The following GAS2 variants were observed in gnomAD, a reference collection of about 807,000 sequenced individuals.
GAS2 encodes the protein growth arrest specific 2.
A neutral mutation model predicts 37.5 loss-of-function variants in GAS2; 20 were observed. That is an observed-to-expected ratio of 0.53 (90% CI 0.37 to 0.77). The LOEUF (loss-of-function observed/expected upper bound fraction) is 0.77. GAS2 is among the 30% of genes least tolerant of loss of function. The pLI is 0.00. For synonymous variants in GAS2, 144 were observed against 132.2 expected, an observed-to-expected ratio of 1.09 and a Z score of -0.61; for missense variants, 336 against 373.4, an observed-to-expected ratio of 0.90 and a Z score of 0.82.
chr11:22,725,383 T>G (rs1852151670), intron 3 of GAS2, among the ~76,000 whole-genome samples: 1 of 152,108 alleles, frequency 6.6e-6, no homozygotes, highest in African/African-American at 2.4e-5. Flanking sequence ...TTATATGCTA[T>G]CGCTATATCC....
At chr11:22,636,813 A>G (rs1331550552) in intron 1 of GAS2, among the ~76,000 whole-genome samples, 1 of 149,998 alleles carries the variant, frequency 6.7e-6, no homozygotes, top group Non-Finnish European at 1.5e-5. Context: ...TCCTCTTTAT[A>G]TAAAGATATA....
In GAS2 at chr11:22,812,530, T is replaced by C. The variant is rs1857233915; in HGVS notation, c.*514T>C. On this transcript the variant is annotated 3_prime_UTR_variant, in exon 8 of 8. Transcript: ENST00000454584. ...AAGTACAGAGTATTCACAATAGTAA[T>C]ATGTTACTGGAAAGGCCACTTCCGA... is the stretch of plus-strand genomic sequence containing the variant. The C allele has an allele frequency of 6.6e-6, 1 of 151,080 alleles. No homozygotes were observed. The highest frequency in any genetic ancestry group is 2.4e-5 in the African/African-American group (1 of 40,838). 9.4% of individuals were successfully genotyped at this position (151,080 alleles called of 1,614,324 possible).
At chr11:22,736,080 T>C (rs1852740510) in intron 4 of GAS2, among the ~76,000 whole-genome samples, 1 of 151,952 alleles carries the variant, frequency 6.6e-6, no homozygotes, top group South Asian at 2.1e-4. Flanking sequence ...TGTTTATTTC[T>C]GTTTCGTAAT....
chr11:22,775,740 C>G (rs1000490777), intron 7 of GAS2, among the ~76,000 whole-genome samples: 7 of 152,072 alleles, frequency 4.6e-5, no homozygotes, highest in Admixed American at 2.6e-4. Flanking sequence ...AAAGCACAGA[C>G]TAGTGCTCCT....
intron 7 of GAS2, among the ~76,000 whole-genome samples, chr11:22,774,814 A>C (rs1210612545): frequency 6.6e-6 from 1 of 152,142 alleles, no homozygotes; most frequent in Non-Finnish European, 1.5e-5. Flanking sequence ...GAGTCAAGAA[A>C]GGGTATCTGC....
At chr11:22,762,725 TATG>T (rs1211451752) in intron 7 of GAS2, among the ~76,000 whole-genome samples, 1 of 152,182 alleles carries the variant, frequency 6.6e-6, no homozygotes, top group Admixed American at 6.5e-5. Context: ...GGATAAAAAG[TATG>T]ATAATATTTT....
At position 22,811,786 on chromosome 11, in the gene GAS2, T is replaced by C. The variant is rs754653009; in HGVS notation, c.724-12T>C. ...CTCGGAATTTAACACTTTTGATATT[T>C]TTTCATTTCAGATGCTGCACAACAA... On this transcript the variant is annotated splice_polypyrimidine_tract_variant and intron_variant, in intron 7 of 7. Transcript: ENST00000454584. The C allele has an allele frequency of 4.3e-6, 7 of 1,612,966 alleles. No individual in the cohort carries two copies. In the South Asian group the frequency reaches 7.7e-5, roughly 18 times the overall value.
intron 6 of GAS2, among the ~76,000 whole-genome samples, chr11:22,751,344 A>G (rs939282854): frequency 6.6e-6 from 1 of 151,982 alleles, no homozygotes; most frequent in African/African-American, 2.4e-5. Context: ...TTTTTCTGGT[A>G]TCTCTCATCC....
chr11:22,634,205 C>G (rs748502286), intron 1 of GAS2, among the ~76,000 whole-genome samples: 6 of 152,108 alleles, frequency 3.9e-5, no homozygotes, highest in Admixed American at 6.5e-5. Flanking sequence ...AAAGGGGTTT[C>G]CGCTTATAAA....
chr11:22,805,110 C>A (rs775408094), intron 7 of GAS2, among the ~76,000 whole-genome samples: 1 of 150,978 alleles, frequency 6.6e-6, no homozygotes, highest in African/African-American at 2.4e-5. Context: ...TTTTTTAGAT[C>A]GGTCACATAC....
At chr11:22,637,769 A>G (rs1006048850) in intron 1 of GAS2, among the ~76,000 whole-genome samples, 1 of 145,242 alleles carries the variant, frequency 6.9e-6, no homozygotes, top group Non-Finnish European at 1.5e-5. Context: ...ATTTATATTT[A>G]TATATTATTC....
At chr11:22,697,341 C>T (rs895031303) in intron 3 of GAS2, among the ~76,000 whole-genome samples, 62 of 152,256 alleles carry the variant, frequency 4.1e-4, no homozygotes, top group African/African-American at 1.4e-3. Flanking sequence ...GTTTTGGTTA[C>T]TGTAGCCTTG....
At position 22,648,394 on chromosome 11, in the gene GAS2, C is replaced by T. The variant is rs138529275; in HGVS notation, c.-21+22581C>T. Among the ~76,000 whole-genome samples, 545 of 152,278 alleles carry T rather than the reference C, an allele frequency of 3.6e-3. 2 individuals are homozygous for T. The highest frequency in any genetic ancestry group is 0.012 in the African/African-American group (487 of 41,542). ...CTTTGTTATTTTGGCTTAGGATTGA[C>T]TTGGTGATGCGGGCTCTTTTTTGGT... On this transcript the variant is annotated intron_variant, in intron 1 of 5. Transcript: ENST00000528582.
chr11:22,726,576 A>T, intron 4 of GAS2, 143 bp downstream of exon 4: 2 of 691,698 alleles, frequency 2.9e-6, no homozygotes, highest in Non-Finnish European at 4.9e-6. Flanking sequence ...GAAATCTTGC[A>T]GGTTTGCTGC....
chr11:22,725,510 C>T (rs1852157355), intron 3 of GAS2, among the ~76,000 whole-genome samples: 1 of 152,132 alleles, frequency 6.6e-6, no homozygotes, highest in South Asian at 2.1e-4. Flanking sequence ...TTCACTGCAG[C>T]CTCAACTTCC....
chr11:22,726,672 C>T (rs762470542), intron 4 of GAS2, among the ~76,000 whole-genome samples: 6 of 151,992 alleles, frequency 3.9e-5, no homozygotes, highest in Non-Finnish European at 8.8e-5. Context: ...ACAGAAGTAG[C>T]AGAATTCTTT....
chr11:22,757,111 C>T (rs1854085645), intron 7 of GAS2, among the ~76,000 whole-genome samples: 1 of 151,910 alleles, frequency 6.6e-6, no homozygotes, highest in Admixed American at 6.6e-5. Flanking sequence ...ACAGTTATTC[C>T]TTTTTGTAAT....
intron 3 of GAS2, among the ~76,000 whole-genome samples, chr11:22,699,610 A>G (rs1371121399): frequency 6.6e-6 from 1 of 152,134 alleles, no homozygotes. Context: ...AGGGCAGCTG[A>G]ACAGAAATGG....
At chr11:22,653,266 A>C (rs1848817744) in intron 1 of GAS2, among the ~76,000 whole-genome samples, 3 of 152,134 alleles carry the variant, frequency 2.0e-5, no homozygotes, top group African/African-American at 7.2e-5. Context: ...AGAAAAAAAG[A>C]GAGCTGTTAT....
Sources: allele counts gnomAD v4.1 joint callset (sites outside exome capture counted in the v4.1 genomes callset), GRCh38; gene constraint gnomAD v4.1.1; transcripts MANE v1.5; gene names NCBI Gene and HGNC (gene_info 2026-07-23, HGNC 2026-07-21).